ELAVL4: variants seen among roughly 807,000 people sequenced by gnomAD.
ELAVL4 encodes the protein ELAV-like protein 4.
In ELAVL4, 1 loss-of-function variant was observed where a neutral mutation model predicts 35.6. The ratio of observed to expected loss-of-function variants is 0.03; its 90% CI spans 0.01 to 0.13. The LOEUF is 0.13. Ranked by LOEUF, ELAVL4 falls within the 10% of genes least tolerant of loss-of-function variation. The pLI is 1.00. For synonymous variants in ELAVL4, 156 were observed against 171.0 expected (o/e 0.91, Z 0.69); for missense variants, 267 against 464.9 (o/e 0.57, Z 3.91).
At chr1:50,178,447 A>G (rs996618615) in intron 3 of ELAVL4, among the ~76,000 whole-genome samples, 14 of 152,206 alleles carry the variant, frequency 9.2e-5, no homozygotes, top group African/African-American at 3.4e-4. Flanking sequence ...TTTTTAGAAT[A>G]TGTGATTATC....
At chr1:50,110,708 C>T (rs549820084) in intron 1 of ELAVL4, among the ~76,000 whole-genome samples, 280 of 152,186 alleles carry the variant, frequency 1.8e-3, no homozygotes, top group Non-Finnish European at 3.2e-3. Flanking sequence ...ACTTATTTTT[C>T]CCTAGAAAAG....
intron 2 of ELAVL4, among the ~76,000 whole-genome samples, chr1:50,169,661 T>G (rs563254117): frequency 1.3e-5 from 2 of 152,282 alleles, no homozygotes; most frequent in South Asian, 4.1e-4. Context: ...GTGGGATAAA[T>G]GTAGTACTTA....
chr1:50,176,431 T>C (rs906044859), intron 2 of ELAVL4, among the ~76,000 whole-genome samples: 2 of 152,240 alleles, frequency 1.3e-5, no homozygotes, highest in African/African-American at 2.4e-5. Context: ...CAAGTCTTGC[T>C]ACATCCCTCT....
At chr1:50,106,546 A>G (rs1666329082), upstream of ELAVL4, among the ~76,000 whole-genome samples, 1 of 152,032 alleles carries the variant, frequency 6.6e-6, no homozygotes, top group East Asian at 1.9e-4. Flanking sequence ...CGCCTGCCTG[A>G]TTCTTGAGAT....
intron 1 of ELAVL4, chr1:50,144,553 G>A (rs762811752): frequency 8.3e-6 from 4 of 482,272 alleles, no homozygotes; most frequent in African/African-American, 2.0e-5. Context: ...TCTTGTGAGT[G>A]TAGTCCTCTA....
intron 3 of ELAVL4, among the ~76,000 whole-genome samples, chr1:50,184,432 G>A (rs924652501): frequency 6.6e-6 from 1 of 150,748 alleles, no homozygotes; most frequent in African/African-American, 2.4e-5. Flanking sequence ...AACTTTAGTT[G>A]TGTTGGGAGA....
At chr1:50,126,834 G>T (rs1310726049) in intron 1 of ELAVL4, among the ~76,000 whole-genome samples, 1 of 151,974 alleles carries the variant, frequency 6.6e-6, no homozygotes. Flanking sequence ...AAGAATAAAA[G>T]AATGATTTTC....
chr1:50,084,008 A>G (rs1302399487), intron 1 of ELAVL4, among the ~76,000 whole-genome samples: 11 of 152,190 alleles, frequency 7.2e-5, no homozygotes, highest in Admixed American at 7.2e-4. Flanking sequence ...AATGCCTAGT[A>G]GGCCAATGGA....
chr1:50,108,454 G>A (rs919901356), upstream of ELAVL4, among the ~76,000 whole-genome samples: 3 of 152,160 alleles, frequency 2.0e-5, no homozygotes, highest in Non-Finnish European at 4.4e-5. Flanking sequence ...GTACCTTTAA[G>A]CCTACAGGCA....
At chr1:50,089,756 A>AAAAC (rs936924378) in intron 1 of ELAVL4, among the ~76,000 whole-genome samples, 1 of 152,184 alleles carries the variant, frequency 6.6e-6, no homozygotes, top group Non-Finnish European at 1.5e-5. Context: ...CTTTATCTCT[A>AAAAC]AAACAAACAA....
chr1:50,083,936 T>C (rs758550004), intron 1 of ELAVL4, among the ~76,000 whole-genome samples: 7 of 152,158 alleles, frequency 4.6e-5, no homozygotes, highest in Non-Finnish European at 1.0e-4. Context: ...CATAGCTGAG[T>C]CTTTATTGTT....
intron 1 of ELAVL4, among the ~76,000 whole-genome samples, chr1:50,144,100 C>T (rs1673276664): frequency 6.6e-6 from 1 of 152,162 alleles, no homozygotes; most frequent in Admixed American, 6.6e-5. Flanking sequence ...GTTTACCTGT[C>T]TGTGTCCTCT....
rs902108165 is a variant in ELAVL4, at chr1:50,203,031, C to T, written c.*1853C>T. On this transcript the variant is annotated 3_prime_UTR_variant, in exon 7 of 7. Coordinates refer to ENST00000371824, the MANE Select transcript of ELAVL4 (RefSeq NM_001144774.3). ...GCTTTGTACGGTTATATATTTAAAA[C>T]GAAAACAAAACAAAAAAATACAAGG... is the stretch of plus-strand genomic sequence containing the variant. 3.3e-5 allele frequency: 5 copies of T among 151,976 alleles called. No homozygotes were observed. Among genetic ancestry groups the T allele is most frequent in the Non-Finnish European group, 5.9e-5 (4 of 67,982 alleles). The allele number at this position is 151,976 out of a possible 1,614,324, so 9.4% of individuals were successfully genotyped here. A position where few individuals can be genotyped will look rare whatever the true frequency, so the allele number is the denominator to read the frequency against.
At chr1:50,048,956 G>C (rs1178031586) in intron 1 of ELAVL4, among the ~76,000 whole-genome samples, 2 of 152,124 alleles carry the variant, frequency 1.3e-5, no homozygotes, top group Non-Finnish European at 2.9e-5. Context: ...ACCTGCAGGA[G>C]ACTCATTTGT....
intron 3 of ELAVL4, among the ~76,000 whole-genome samples, chr1:50,189,892 AC>A (rs1682409346): frequency 6.6e-6 from 1 of 152,176 alleles, no homozygotes; most frequent in Non-Finnish European, 1.5e-5. Flanking sequence ...ACTGGAGCTG[AC>A]CCACAGTCAG....
chr1:50,165,812 GT>G (rs1677791864), intron 2 of ELAVL4, among the ~76,000 whole-genome samples: 4 of 149,760 alleles, frequency 2.7e-5, no homozygotes, highest in Admixed American at 2.7e-4. Flanking sequence ...ATGTGTGTGT[GT>G]ATATATATAT....
intron 1 of ELAVL4, among the ~76,000 whole-genome samples, chr1:50,076,632 G>A (rs1024730693): frequency 6.6e-6 from 1 of 152,160 alleles, no homozygotes; most frequent in Non-Finnish European, 1.5e-5. Flanking sequence ...AGGCAAAAAT[G>A]TGTAAGGAAA....
At chr1:50,165,310 C>T (rs1244050209) in intron 2 of ELAVL4, among the ~76,000 whole-genome samples, 1 of 151,990 alleles carries the variant, frequency 6.6e-6, no homozygotes, top group Non-Finnish European at 1.5e-5. Context: ...GGCTACCACC[C>T]TTCAATCACC....
At chr1:50,086,587 A>T (rs1234404577) in intron 1 of ELAVL4, among the ~76,000 whole-genome samples, 1 of 151,732 alleles carries the variant, frequency 6.6e-6, no homozygotes, top group Non-Finnish European at 1.5e-5. Context: ...GGCTTAAGAG[A>T]TCTTGGGAAT....
Sources: gnomAD v4.1 joint callset for allele counts (sites outside exome capture counted in the v4.1 genomes callset) on GRCh38, gnomAD v4.1.1 for gene constraint, MANE v1.5 for transcripts, NCBI Gene and HGNC (gene_info 2026-07-23, HGNC 2026-07-21) for gene names.